The following SPOCK3 variants were observed in gnomAD, a reference collection of about 807,000 sequenced individuals.
The protein encoded by SPOCK3 is SPARC (osteonectin), cwcv and kazal like domains proteoglycan 3, also known as testican-3.
Under a neutral mutation model 56.6 loss-of-function variants are expected in SPOCK3, and 30 were observed. That is an observed-to-expected ratio of 0.53 (90% CI 0.40 to 0.72). SPOCK3 has a LOEUF of 0.72. Among genes scored for constraint, SPOCK3 ranks in the 30% least tolerant of loss-of-function variants. SPOCK3 has a pLI of 0.00. For synonymous variants in SPOCK3, 196 were observed against 183.3 expected (o/e 1.07, Z -0.56); for missense variants, 527 against 530.0 (o/e 0.99, Z 0.06).
At chr4:167,089,617 T>G (rs1000372598) in intron 2 of SPOCK3, among the ~76,000 whole-genome samples, 1 of 152,176 alleles carries the variant, frequency 6.6e-6, no homozygotes, top group Non-Finnish European at 1.5e-5. Context: ...AAATGATATA[T>G]GTTTTAAATT....
chr4:166,800,460 C>G (rs1742461356), intron 6 of SPOCK3, among the ~76,000 whole-genome samples: 1 of 151,978 alleles, frequency 6.6e-6, no homozygotes, highest in Admixed American at 6.6e-5. Context: ...CAGCTCTATG[C>G]CTGTCAATGC....
chr4:166,856,764 G>T (rs755728500), intron 6 of SPOCK3, among the ~76,000 whole-genome samples: 2 of 143,276 alleles, frequency 1.4e-5, no homozygotes, highest in Non-Finnish European at 3.2e-5. Context: ...ACAGAGCAAG[G>T]CACTTCTCAA....
At chr4:167,064,058 G>T (rs1755864885) in intron 2 of SPOCK3, among the ~76,000 whole-genome samples, 1 of 151,622 alleles carries the variant, frequency 6.6e-6, no homozygotes, top group Admixed American at 6.6e-5. Flanking sequence ...ACTGTATAAG[G>T]AAGAAAATGT....
chr4:167,205,188 T>TAAAATATCTATAATATATA (rs1561320508), intron 2 of SPOCK3, among the ~76,000 whole-genome samples: 44 of 105,630 alleles, frequency 4.2e-4, no homozygotes, highest in African/African-American at 1.5e-3. Context: ...ATTATAGATA[T>TAAAATATCTATAATATATA]TTTATATCTA....
chr4:167,083,709 T>G (rs1359575090), intron 2 of SPOCK3, among the ~76,000 whole-genome samples: 1 of 152,072 alleles, frequency 6.6e-6, no homozygotes, highest in African/African-American at 2.4e-5. Flanking sequence ...TTGATAAAAT[T>G]TATATGAATT....
intron 3 of SPOCK3, among the ~76,000 whole-genome samples, chr4:167,009,387 A>T (rs1452273667): frequency 6.6e-6 from 1 of 152,192 alleles, no homozygotes; most frequent in Non-Finnish European, 1.5e-5. Context: ...TTGCAAGTGT[A>T]TCCAGACACT....
At chr4:166,909,315 T>C (rs983057532) in intron 5 of SPOCK3, among the ~76,000 whole-genome samples, 4 of 152,096 alleles carry the variant, frequency 2.6e-5, no homozygotes, top group African/African-American at 9.7e-5. Context: ...ATATCTTAGT[T>C]ATATCATTTG....
chr4:166,833,163 T>C (rs535130019), intron 6 of SPOCK3, among the ~76,000 whole-genome samples: 247 of 150,972 alleles, frequency 1.6e-3, no homozygotes, highest in Non-Finnish European at 2.9e-3. Context: ...ATTTAGAAGT[T>C]TAATTTCCAA....
intron 6 of SPOCK3, among the ~76,000 whole-genome samples, chr4:166,879,948 C>T (rs1413193235): frequency 2.0e-5 from 3 of 152,148 alleles, no homozygotes; most frequent in Non-Finnish European, 4.4e-5. Context: ...CCTGCTTCCC[C>T]TTTGCCTTCT....
chr4:166,737,680 C>G, intron 9 of SPOCK3, 76 bp from the exon 10 acceptor site: 2 of 1,475,864 alleles, frequency 1.4e-6, no homozygotes, highest in Middle Eastern at 1.8e-4. Flanking sequence ...CTGAGAAGCA[C>G]CCATTATGCA....
intron 2 of SPOCK3, among the ~76,000 whole-genome samples, chr4:167,173,234 T>C (rs953029185): frequency 6.6e-6 from 1 of 152,176 alleles, no homozygotes; most frequent in African/African-American, 2.4e-5. Context: ...CAACACAAAG[T>C]GAAATATCTC....
intron 2 of SPOCK3, among the ~76,000 whole-genome samples, chr4:167,162,892 T>C (rs937282156): frequency 1.3e-5 from 2 of 151,940 alleles, no homozygotes; most frequent in Non-Finnish European, 2.9e-5. Context: ...AAATTAAACT[T>C]TGGAAGAGAT....
chr4:166,737,593 G>C lies in SPOCK3; in HGVS notation c.1006C>G (p.Pro336Ala), dbSNP rs1365456910. The C allele has an allele frequency of 6.2e-7, 1 of 1,610,992 alleles. No homozygotes were observed. The highest frequency in any genetic ancestry group is 1.7e-5 in the Admixed American group (1 of 59,628). The change falls in exon 10 of 11, where the codon CCC (proline) becomes GCC (alanine). Residue 336 changes from proline to alanine, a missense_variant. By Grantham distance (27) the Pro-to-Ala change is conservative. Transcript: ENST00000357545. ...TAGTAACCATCTTCATCACACAGGG[G>C]GATATACTGTCCTGTTGAAACAACA... ...GVKKLLGQYI[P>A]LCDEDGYYKP...
At chr4:167,166,266 A>T (rs1398317111) in intron 2 of SPOCK3, among the ~76,000 whole-genome samples, 2 of 152,162 alleles carry the variant, frequency 1.3e-5, no homozygotes, top group African/African-American at 4.8e-5. Flanking sequence ...TTTTAAAAAT[A>T]AGAAGTCAGT....
chr4:167,094,655 C>G (rs570386381), intron 2 of SPOCK3, among the ~76,000 whole-genome samples: 1 of 152,052 alleles, frequency 6.6e-6, no homozygotes, highest in Non-Finnish European at 1.5e-5. Context: ...TCCACAGGAA[C>G]GCGAGAGTTA....
intron 2 of SPOCK3, among the ~76,000 whole-genome samples, chr4:167,220,531 C>T (rs1388929675): frequency 6.6e-6 from 1 of 151,572 alleles, no homozygotes; most frequent in African/African-American, 2.4e-5. Flanking sequence ...GCATGTGCCA[C>T]CACACACAGC....
chr4:166,868,629 C>G (rs1442348006), intron 6 of SPOCK3, among the ~76,000 whole-genome samples: 2 of 152,114 alleles, frequency 1.3e-5, no homozygotes, highest in East Asian at 3.8e-4. Flanking sequence ...GGAAAACTCA[C>G]ATTTCTCTGA....
At chr4:166,778,085 C>A (rs190391828) in intron 7 of SPOCK3, among the ~76,000 whole-genome samples, 1 of 152,142 alleles carries the variant, frequency 6.6e-6, no homozygotes, top group Non-Finnish European at 1.5e-5. Flanking sequence ...CAGAGGCCTA[C>A]AAGACATGTC....
intron 2 of SPOCK3, among the ~76,000 whole-genome samples, chr4:167,161,890 TG>T (rs1430146538): frequency 2.2e-4 from 9 of 41,728 alleles, no homozygotes; most frequent in Admixed American, 2.0e-3. Context: ...GGGACTGTTG[TG>T]GGGTGGGGGG....
Sources: allele counts gnomAD v4.1 joint callset (sites outside exome capture counted in the v4.1 genomes callset), GRCh38; gene constraint gnomAD v4.1.1; transcripts MANE v1.5; gene names NCBI Gene and HGNC (gene_info 2026-07-23, HGNC 2026-07-21).